The following ANO7 variants were observed in gnomAD, a reference collection of about 807,000 sequenced individuals.
The protein encoded by ANO7 is anoctamin 7, also known as anoctamin-7.
In ANO7, 114 loss-of-function variants were observed where a neutral mutation model predicts 115.8. The observed-to-expected ratio is 0.98, with a 90% CI of 0.85 to 1.15. The LOEUF is 1.15. Ranked by LOEUF, ANO7 falls within the 50% of genes most tolerant of loss-of-function variation. The pLI, the probability that ANO7 is intolerant of heterozygous loss-of-function variation, is 0.00. For missense variants in ANO7, 1,302 were observed against 1,201.2 expected, an observed-to-expected ratio of 1.08 and a Z score of -1.24; for synonymous variants, 550 against 498.2, an observed-to-expected ratio of 1.10 and a Z score of -1.38.
At chr2:241,205,529 T>G (rs1465790955) in intron 10 of ANO7, among the ~76,000 whole-genome samples, 3 of 105,776 alleles carry the variant, frequency 2.8e-5, no homozygotes, top group African/African-American at 3.8e-5. Flanking sequence ...TGGACAGGAG[T>G]GCTCCAAGGC....
At chr2:241,234,981 C>T in the ANO7 span, 21 of 953,822 alleles carry the variant, frequency 2.2e-5, no homozygotes, top group East Asian at 2.6e-4. Context: ...ATGCTGACTG[C>T]GTCCTGGCAC....
Position 241,210,288 on chromosome 2 carries a change from C to A in ANO7, c.1360-7C>A. ...GAAGGGTCTCACGGGCCTCCCTGCC[C>A]CCGCAGGTGGCCGTGGTGGTCATGT... On this transcript the variant is annotated splice_region_variant and splice_polypyrimidine_tract_variant and intron_variant, in intron 13 of 24. Coordinates refer to ENST00000674324, the MANE Select transcript of ANO7 (RefSeq NM_001370694.2). 1 of 1,613,710 alleles carries A rather than the reference C, an allele frequency of 6.2e-7. No individual in the cohort carries two copies. The highest frequency in any genetic ancestry group is 1.1e-5 in the South Asian group (1 of 91,080).
At position 241,214,908 on chromosome 2, in the gene ANO7, T is replaced by C; in HGVS notation, c.1826+6T>C. 1 of 1,610,406 alleles carries C rather than the reference T, an allele frequency of 6.2e-7. No homozygotes were observed. Among genetic ancestry groups the C allele is most frequent in the East Asian group, 2.2e-5 (1 of 44,808 alleles). ...ATGCAGGAGGTCCTCATCCCGTGAG[T>C]CCCCCACTCCTCCCTGGGTGGCATC... On this transcript the variant is annotated splice_donor_region_variant and intron_variant, in intron 18 of 24. Transcript: ENST00000674324.
intron 3 of ANO7, among the ~76,000 whole-genome samples, chr2:241,191,592 C>G (rs1263867350): frequency 1.3e-5 from 2 of 152,194 alleles, no homozygotes; most frequent in Non-Finnish European, 2.9e-5. Flanking sequence ...CACTCCACCC[C>G]TTTTGTACCT....
downstream of ANO7, chr2:241,229,283 C>A (rs1284625005): frequency 3.3e-6 from 1 of 302,570 alleles, no homozygotes; most frequent in Non-Finnish European, 6.3e-6. Context: ...CTAGCCACGG[C>A]TGCGGAGCTC....
intron 3 of ANO7, among the ~76,000 whole-genome samples, chr2:241,192,668 C>G (rs1214869520): frequency 3.3e-5 from 5 of 152,150 alleles, no homozygotes; most frequent in Non-Finnish European, 7.3e-5. Context: ...AAGGTGGAAG[C>G]CATCCACGTG....
the ANO7 span, chr2:241,238,739 A>G: frequency 1.3e-6 from 2 of 1,578,374 alleles, no homozygotes; most frequent in Non-Finnish European, 1.7e-6. The surrounding 1 kb of genome is among the most constrained non-coding windows in gnomAD (Gnocchi z 4.9). Context: ...CCCATGACAG[A>G]TCGATGGAAT....
chr2:241,239,819 T>C, the ANO7 span: 7 of 1,613,552 alleles, frequency 4.3e-6, no homozygotes, highest in Non-Finnish European at 5.9e-6. This position sits in a 1 kb window ranked among gnomAD's most constrained non-coding sequence, Gnocchi z 4.6. Context: ...CACCACATTA[T>C]CCTGCAGTGT....
chr2:241,192,328 A>AG (rs1347467467), intron 3 of ANO7, among the ~76,000 whole-genome samples: 1 of 152,150 alleles, frequency 6.6e-6, no homozygotes, highest in Non-Finnish European at 1.5e-5. Context: ...TCCATCTCCA[A>AG]GAAAAAAAAA....
rs769973022 is a variant in ANO7, at chr2:241,212,121, A to G, written c.1589A>G (p.Glu530Gly). Residue 530 changes from glutamate to glycine, a missense_variant, in exon 16 of 25, where the codon GAG becomes GGG. By Grantham distance (98) the Glu-to-Gly change is moderately conservative. Coordinates refer to ENST00000674324, the MANE Select transcript of ANO7 (RefSeq NM_001370694.2). ...ATGCACCGCACCCAGACCAAGTTCG[A>G]GGACGCCTTCACCCTCAAGGTGTTC... ...WEMHRTQTKF[E>G]DAFTLKVFIF... is the part of the protein sequence containing the mutation. The G allele has an allele frequency of 1.2e-6, 2 of 1,613,964 alleles. No individual in the cohort carries two copies. Among genetic ancestry groups the G allele is most frequent in the Admixed American group, 3.3e-5 (2 of 60,004 alleles).
intron 15 of ANO7, among the ~76,000 whole-genome samples, chr2:241,211,248 C>T (rs1488697222): frequency 1.3e-5 from 2 of 152,212 alleles, no homozygotes; most frequent in Admixed American, 6.5e-5. Context: ...GGCCGCTGAG[C>T]CTCTGTTGGG....
downstream of ANO7, among the ~76,000 whole-genome samples, chr2:241,226,088 G>A (rs994709191): frequency 3.3e-5 from 5 of 152,018 alleles, no homozygotes; most frequent in Non-Finnish European, 4.4e-5. Flanking sequence ...CACATCACCC[G>A]ACGTGGAAGC....
rs1375747440 is a variant in ANO7 at position 241,218,718 on chromosome 2, C to T, written c.2321+337C>T. On this transcript the variant is annotated intron_variant, in intron 21 of 24. Coordinates refer to ENST00000674324, the MANE Select transcript of ANO7 (RefSeq NM_001370694.2). Reference sequence around the variant, plus strand: ...TTATTCGGCCGGGGGCGTCGGCAGACTCGTGTCTTCAGAGCGGAGCTCGCC... The same window carrying T: ...TTATTCGGCCGGGGGCGTCGGCAGATTCGTGTCTTCAGAGCGGAGCTCGCC... Among the ~76,000 whole-genome samples the T allele has an allele frequency of 2.6e-5, 4 of 152,214 alleles. 1 individual carries two copies. The highest frequency in any genetic ancestry group is 5.9e-5 in the Non-Finnish European group (4 of 68,036).
downstream of ANO7, among the ~76,000 whole-genome samples, chr2:241,226,546 T>C (rs1387384362): frequency 3.3e-5 from 5 of 151,810 alleles, no homozygotes; most frequent in Non-Finnish European, 7.4e-5. Flanking sequence ...TGCCTCAGCC[T>C]CCCGAGTAGC....
Position 241,223,934 on chromosome 2 carries a change from T to A in ANO7, c.2562T>A (p.Asp854Glu). The change falls in exon 24 of 25, where the codon GAT (aspartate) becomes GAA (glutamate). Residue 854 changes from aspartate (D) to glutamate (E), a missense_variant. Asp to Glu is a conservative substitution (Grantham distance 45). Transcript: ENST00000674324. ...TTTTTGGAACGAACGGAACAAAGGATGAGCAGCCCGAGGGCTCAGAGGCAA... is the reference window on the plus strand; with the variant it reads ...TTTTTGGAACGAACGGAACAAAGGAAGAGCAGCCCGAGGGCTCAGAGGCAA... ...EVLFGTNGTK[D>E]EQPEGSELSS... The A allele has an allele frequency of 6.2e-7, 1 of 1,610,606 alleles. No individual in the cohort carries two copies. The highest frequency in any genetic ancestry group is 2.2e-5 in the East Asian group (1 of 44,868).
intron 11 of ANO7, 84 bp from the exon 12 acceptor site, chr2:241,209,201 C>A: frequency 7.0e-7 from 1 of 1,425,452 alleles, no homozygotes; most frequent in Non-Finnish European, 9.4e-7. Context: ...GATGCACACT[C>A]CCATTCCAGG....
chr2:241,224,063 T>C (rs1239300219), intron 24 of ANO7, 34 bp from the exon 25 acceptor site: 1 of 1,613,528 alleles, frequency 6.2e-7, no homozygotes, highest in East Asian at 2.2e-5. Flanking sequence ...CTGGCCCTAG[T>C]CTGACTTGTC....
downstream of ANO7, chr2:241,227,546 T>A (rs906352670): frequency 6.6e-6 from 1 of 152,580 alleles, no homozygotes; most frequent in Admixed American, 6.5e-5. Context: ...GGGACAGTCA[T>A]GTCATCACCC....
chr2:241,195,206 C>T (rs2068294395), intron 3 of ANO7, among the ~76,000 whole-genome samples: 1 of 152,184 alleles, frequency 6.6e-6, no homozygotes, highest in African/African-American at 2.4e-5. Context: ...GGAAATGCCC[C>T]AGGAGGAAGT....
Sources: gnomAD v4.1 joint callset for allele counts (sites outside exome capture counted in the v4.1 genomes callset) on GRCh38, gnomAD v4.1.1 for gene constraint, Gnocchi (gnomAD v3.1) non-coding constraint, MANE v1.5 for transcripts, NCBI Gene and HGNC (gene_info 2026-07-23, HGNC 2026-07-21) for gene names.